The following LRBA variants were observed in gnomAD, a reference collection of about 807,000 sequenced individuals.
LRBA encodes LPS responsive beige-like anchor protein.
Under a neutral mutation model 330.0 loss-of-function variants are expected in LRBA, and 176 were observed. That is an observed-to-expected ratio of 0.53 (90% CI 0.47 to 0.60). The LOEUF (loss-of-function observed/expected upper bound fraction) is 0.60, where lower values mean the gene tolerates loss of function less well. Among genes scored for constraint, LRBA ranks in the 20% least tolerant of loss-of-function variants. The pLI is 0.00. For synonymous variants in LRBA, 1,230 were observed against 1,193.0 expected (o/e 1.03, Z -0.64); for missense variants, 3,259 against 3,444.8 (o/e 0.95, Z 1.35).
intron 47 of LRBA, among the ~76,000 whole-genome samples, chr4:150,363,160 A>T (rs926287138): frequency 6.6e-5 from 10 of 151,946 alleles, no homozygotes; most frequent in African/African-American, 2.2e-4. Flanking sequence ...AACAAAAAAC[A>T]GTTTAGCTCA....
rs572525056 is a variant in LRBA, at chr4:150,857,606, C to T, written c.2767-4663G>A. 2.1e-4 allele frequency among the ~76,000 whole-genome samples: 32 copies of T among 152,228 alleles called. No individual in the cohort carries two copies. In the South Asian group the frequency reaches 6.4e-3, roughly 31 times the overall value. On this transcript the variant is annotated intron_variant, in intron 22 of 56. Transcript: ENST00000651943. ...CTCCTTCCTCTGGAAATTCCACTTA[C>T]AGGAATTTATCCTACAAAATAAGGG...
intron 34 of LRBA, among the ~76,000 whole-genome samples, chr4:150,788,021 T>C (rs1739329327): frequency 6.6e-6 from 1 of 152,178 alleles, no homozygotes; most frequent in Non-Finnish European, 1.5e-5. Flanking sequence ...TAAAAACCAT[T>C]CTACATAGTG....
intron 40 of LRBA, among the ~76,000 whole-genome samples, chr4:150,577,049 C>T (rs1434442604): frequency 1.3e-5 from 2 of 151,870 alleles, no homozygotes; most frequent in African/African-American, 4.8e-5. Flanking sequence ...TCAAGGCAAA[C>T]ATTCAATTAC....
At chr4:150,774,183 A>G (rs1736955511) in intron 34 of LRBA, among the ~76,000 whole-genome samples, 1 of 152,186 alleles carries the variant, frequency 6.6e-6, no homozygotes, top group Admixed American at 6.5e-5. Context: ...ATTGCATCCA[A>G]CCAGATGAGG....
At chr4:150,869,353 T>G (rs1281134229) in intron 20 of LRBA, among the ~76,000 whole-genome samples, 1 of 152,194 alleles carries the variant, frequency 6.6e-6, no homozygotes, top group Admixed American at 6.5e-5. Flanking sequence ...TAAACTACTA[T>G]TGTAATGGTC....
chr4:150,346,765 A>C (rs1581074578), intron 48 of LRBA, among the ~76,000 whole-genome samples: 3 of 95,144 alleles, frequency 3.2e-5, no homozygotes, highest in African/African-American at 8.6e-5. Context: ...CTCAAAAAAA[A>C]AAAAAAAAAA....
intron 49 of LRBA, 36 bp downstream of exon 49, chr4:150,325,773 G>A: frequency 7.4e-7 from 1 of 1,343,064 alleles, no homozygotes. Context: ...ATCTGAAGGA[G>A]AGGCAAGAAA....
At chr4:151,010,129 T>C (rs1165470793) in intron 2 of LRBA, among the ~76,000 whole-genome samples, 1 of 152,034 alleles carries the variant, frequency 6.6e-6, no homozygotes, top group Non-Finnish European at 1.5e-5. Flanking sequence ...CCACTAGGGG[T>C]TCTGGAACCA....
At chr4:150,848,699 T>A (rs565613598) in intron 26 of LRBA, 119 bp downstream of exon 26, 6 of 746,446 alleles carry the variant, frequency 8.0e-6, no homozygotes, top group Non-Finnish European at 1.3e-5. Context: ...AAAGTAACCA[T>A]ATGACAAATT....
chr4:150,806,020 CAA>C lies in LRBA; in HGVS notation c.5518+249_5518+250del, dbSNP rs10566622. ...GCTCTCAAAATTAATTTTAATGTAT[CAA>C]AAAAAAAAAAAAGTCTTAGTTCTTT... On this transcript the variant is annotated intron_variant, in intron 33 of 56. Transcript: ENST00000651943. Among the ~76,000 whole-genome samples, 18,882 of 147,212 alleles carry C rather than the reference CAA, an allele frequency of 0.13. 2,276 individuals carry two copies. The highest frequency in any genetic ancestry group is 0.32 in the African/African-American group (12,897 of 40,440).
chr4:150,868,092 G>C, intron 21 of LRBA, 90 bp downstream of exon 21: 1 of 1,308,746 alleles, frequency 7.6e-7, no homozygotes, highest in Non-Finnish European at 1.1e-6. Context: ...TCATTTCACA[G>C]TATTTTTAAA....
intron 2 of LRBA, among the ~76,000 whole-genome samples, chr4:150,996,954 T>A (rs1243425747): frequency 1.3e-5 from 2 of 152,238 alleles, no homozygotes; most frequent in Non-Finnish European, 2.9e-5. Context: ...CTTATGTTTA[T>A]CAGCAGACTC....
intron 34 of LRBA, among the ~76,000 whole-genome samples, chr4:150,781,128 C>T (rs545557680): frequency 6.6e-6 from 1 of 152,314 alleles, no homozygotes; most frequent in Admixed American, 6.5e-5. Context: ...ATCCGCCTGC[C>T]TCGGCCTCCC....
rs536002164 is a variant in LRBA, at chr4:150,504,890, G to A, written c.6331-13855C>T. ...AAAGGGATGGAGGAAGATCTACCAA[G>A]CAAATGGAAAACAAAAAAAGGCAGG... On this transcript the variant is annotated intron_variant, in intron 40 of 56. Coordinates refer to ENST00000651943, the MANE Select transcript of LRBA (RefSeq NM_001364905.1). Among the ~76,000 whole-genome samples, 34 of 152,204 alleles carry A rather than the reference G, an allele frequency of 2.2e-4. 2 individuals are homozygous for A. The South Asian group carries it at 7.0e-3, about 32-fold the overall frequency.
intron 37 of LRBA, among the ~76,000 whole-genome samples, chr4:150,679,313 G>A (rs953478595): frequency 1.3e-5 from 2 of 152,028 alleles, no homozygotes; most frequent in African/African-American, 4.8e-5. Context: ...GCCTTTCCTT[G>A]GACTCTGGAT....
chr4:150,285,543 A>C (rs1748037255), intron 54 of LRBA, among the ~76,000 whole-genome samples: 1 of 152,226 alleles, frequency 6.6e-6, no homozygotes, highest in Admixed American at 6.5e-5. Flanking sequence ...AGCTCAGAAG[A>C]ATAAACAAAT....
In LRBA at chr4:151,001,401, T is replaced by C. The variant is rs927404299; in HGVS notation, c.216+13026A>G. On this transcript the variant is annotated intron_variant, in intron 2 of 56. Coordinates refer to ENST00000651943, the MANE Select transcript of LRBA (RefSeq NM_001364905.1). ...TTACCACAGTAGGTGTCTGCACATA[T>C]TGTTGGGGGGCCTGATGACATGCCA... 2.0e-5 allele frequency among the ~76,000 whole-genome samples: 3 copies of C among 152,264 alleles called. No homozygotes were observed. In the East Asian group the frequency reaches 5.8e-4, roughly 29 times the overall value.
intron 37 of LRBA, among the ~76,000 whole-genome samples, chr4:150,665,668 G>A (rs1781497430): frequency 6.6e-6 from 1 of 152,126 alleles, no homozygotes; most frequent in Non-Finnish European, 1.5e-5. Context: ...TTTTGAGTCT[G>A]GCTTCTTTCA....
chr4:150,992,522 A>T (rs1742212120), intron 2 of LRBA, among the ~76,000 whole-genome samples: 1 of 152,218 alleles, frequency 6.6e-6, no homozygotes, highest in South Asian at 2.1e-4. Context: ...GATAAGTATA[A>T]ATATCATGTG....
Sources: allele counts gnomAD v4.1 joint callset (sites outside exome capture counted in the v4.1 genomes callset), GRCh38; gene constraint gnomAD v4.1.1; transcripts MANE v1.5; gene names NCBI Gene and HGNC (gene_info 2026-07-23, HGNC 2026-07-21).